The following SNRK variants were observed in gnomAD, a reference collection of about 807,000 sequenced individuals.
SNRK encodes SNF-related serine/threonine-protein kinase.
A neutral mutation model predicts 48.2 loss-of-function variants in SNRK; 3 were observed. That is an observed-to-expected ratio of 0.06 (90% CI 0.03 to 0.16). The LOEUF (loss-of-function observed/expected upper bound fraction) is 0.16. Ranked by LOEUF, SNRK falls within the 10% of genes least tolerant of loss-of-function variation. The pLI is 1.00. For synonymous variants in SNRK, 376 were observed against 366.1 expected (o/e 1.03, Z -0.31); for missense variants, 627 against 976.0 (o/e 0.64, Z 4.76).
intron 3 of SNRK, among the ~76,000 whole-genome samples, chr3:43,326,015 A>G (rs2091094294): frequency 6.6e-6 from 1 of 152,138 alleles, no homozygotes; most frequent in Admixed American, 6.5e-5. Flanking sequence ...GCAGGTTTGT[A>G]AAATGATTTT....
At chr3:43,293,184 G>A (rs1330607235) in intron 1 of SNRK, among the ~76,000 whole-genome samples, 2 of 151,820 alleles carry the variant, frequency 1.3e-5, no homozygotes, top group Non-Finnish European at 2.9e-5. Context: ...GCTCACTACA[G>A]CATGGATTCT....
chr3:43,294,725 G>GTT (rs113950436), intron 1 of SNRK, among the ~76,000 whole-genome samples: 5 of 141,590 alleles, frequency 3.5e-5, no homozygotes, highest in African/African-American at 1.0e-4. Context: ...TTATTGATTA[G>GTT]TTTTTTTTTT....
At chr3:43,311,544 A>C (rs889470134) in intron 3 of SNRK, among the ~76,000 whole-genome samples, 13 of 152,152 alleles carry the variant, frequency 8.5e-5, no homozygotes, top group Non-Finnish European at 1.9e-4. Context: ...TAGGGGGAAA[A>C]AGGATCTGTG....
chr3:43,314,885 A>G lies in SNRK; in HGVS notation c.589+11093A>G, dbSNP rs565625300. On this transcript the variant is annotated intron_variant, in intron 3 of 6. Coordinates refer to ENST00000296088, the MANE Select transcript of SNRK (RefSeq NM_017719.5). ...CATAGACTCCATCTCTTAAAAAAAAATTTTTAAAAAAAGGTCATAAATGAA... is the reference window on the plus strand; with the variant it reads ...CATAGACTCCATCTCTTAAAAAAAAGTTTTTAAAAAAAGGTCATAAATGAA... 5.3e-5 allele frequency: 8 copies of G among 152,042 alleles called. No homozygotes were observed. In the East Asian group the frequency reaches 1.5e-3, roughly 29 times the overall value. The allele number at this position is 152,042 out of a possible 1,614,324, so 9.4% of individuals were successfully genotyped here.
intron 4 of SNRK, among the ~76,000 whole-genome samples, chr3:43,335,105 T>G (rs1423143057): frequency 6.6e-6 from 1 of 152,210 alleles, no homozygotes; most frequent in East Asian, 1.9e-4. Context: ...TTTTCTTTTC[T>G]CTTGTCTGTA....
At chr3:43,343,303 CCTGATATGG>C in intron 5 of SNRK, 32 bp from the exon 6 acceptor site, 2 of 1,544,024 alleles carry the variant, frequency 1.3e-6, no homozygotes, top group Non-Finnish European at 1.7e-6. Flanking sequence ...AAAAAAACCT[CCTGATATGG>C]CTGACGTTTG....
At chr3:43,320,666 T>G (rs56777143) in intron 3 of SNRK, among the ~76,000 whole-genome samples, 5 of 127,620 alleles carry the variant, frequency 3.9e-5, no homozygotes, top group African/African-American at 9.0e-5. Context: ...AGTAGCTGGG[T>G]TTTTTTTTTC....
intron 1 of SNRK, among the ~76,000 whole-genome samples, chr3:43,291,542 G>T (rs2090812681): frequency 6.6e-6 from 1 of 151,998 alleles, no homozygotes; most frequent in South Asian, 2.1e-4. Context: ...AAAGTTAGGG[G>T]GATAAAATCC....
intron 3 of SNRK, among the ~76,000 whole-genome samples, chr3:43,308,222 A>G (rs907747160): frequency 1.2e-4 from 19 of 152,230 alleles, no homozygotes; most frequent in African/African-American, 4.6e-4. Flanking sequence ...AAAGTACAAG[A>G]TGAAACAGCA....
chr3:43,308,857 C>T (rs1506615), intron 3 of SNRK, among the ~76,000 whole-genome samples: 31,245 of 152,090 alleles, frequency 0.21, 3,723 homozygotes, highest in Middle Eastern at 0.35. Context: ...GTAATTCCTC[C>T]GATCCATCTG....
intron 1 of SNRK, among the ~76,000 whole-genome samples, chr3:43,292,806 G>C (rs1332042053): frequency 5.9e-5 from 9 of 152,162 alleles, no homozygotes; most frequent in Non-Finnish European, 1.3e-4. Context: ...CCTCTGACAT[G>C]CCTCACCTAG....
rs184247865 is a variant in SNRK, at chr3:43,290,847, A to G, written c.-169+4172A>G. Among the ~76,000 whole-genome samples, 288 of 152,360 alleles carry G rather than the reference A, an allele frequency of 1.9e-3. 1 individual carries two copies. The highest frequency in any genetic ancestry group is 6.6e-3 in the African/African-American group (274 of 41,588). ...TGCTATACTTGGCAGACCCTGGGAT[A>G]AAGAACTAAATAAAATGAACATGAT... On this transcript the variant is annotated intron_variant, in intron 1 of 6. Transcript: ENST00000296088.
chr3:43,296,426 ATATATATG>A (rs1362855791), intron 1 of SNRK, among the ~76,000 whole-genome samples: 42 of 146,054 alleles, frequency 2.9e-4, no homozygotes, highest in Non-Finnish European at 4.7e-4. Flanking sequence ...ATATATATAT[ATATATATG>A]TATATATATA....
At position 43,333,636 on chromosome 3, in the gene SNRK, T is replaced by C. The variant is rs73075060; in HGVS notation, c.731+1326T>C. Among the ~76,000 whole-genome samples the C allele has an allele frequency of 4.0e-3, 607 of 152,250 alleles. 3 individuals are homozygous for C. Among genetic ancestry groups the C allele is most frequent in the Non-Finnish European group, 5.7e-3 (388 of 68,008 alleles). ...TGTCTGGGGGCATACGTTGTCTGCA[T>C]GTTGGATGTTTGTGATGCATGTTGT... is the stretch of plus-strand genomic sequence containing the variant. On this transcript the variant is annotated intron_variant, in intron 4 of 6. Coordinates refer to ENST00000296088, the MANE Select transcript of SNRK (RefSeq NM_017719.5).
chr3:43,315,583 CCTGA>C (rs1370393794), intron 3 of SNRK, among the ~76,000 whole-genome samples: 1 of 152,072 alleles, frequency 6.6e-6, no homozygotes, highest in African/African-American at 2.4e-5. Flanking sequence ...AGGGACTACT[CCTGA>C]CTATCGAGTT....
rs578075233 is a variant in SNRK at position 43,303,188 on chromosome 3, C to A, written c.-16C>A. 3.9e-5 allele frequency: 61 copies of A among 1,576,278 alleles called. No individual in the cohort carries two copies. Among genetic ancestry groups the A allele is most frequent in the Admixed American group, 5.4e-5 (3 of 55,964 alleles). ...ATTTTAAACAGTCTAAATATTTTTTCTTCTGTTGGACCAGCATGGCAGGAT... is the reference window on the plus strand; with the variant it reads ...ATTTTAAACAGTCTAAATATTTTTTATTCTGTTGGACCAGCATGGCAGGAT... On this transcript the variant is annotated 5_prime_UTR_variant, in exon 3 of 7. Transcript: ENST00000296088. The surrounding 1 kb of genome is among the most constrained non-coding windows in gnomAD (Gnocchi z 6.2).
chr3:43,347,761 T>C lies in SNRK; in HGVS notation c.1502T>C (p.Met501Thr). Residue 501 changes from methionine to threonine, a missense_variant, in exon 7 of 7, where the codon ATG (methionine) becomes ACG (threonine). This residue lies in a region of SNRK where 98 missense variants were observed against 175.2 expected (regional missense o/e 0.56). Transcript: ENST00000296088. This position sits in a 1 kb window ranked among gnomAD's most constrained non-coding sequence, Gnocchi z 5.4. ...EEGESDDEFDMDENLPPKLSR... is the reference protein window; with the variant it reads ...EEGESDDEFDTDENLPPKLSR... ...GGGGAATCTGACGATGAGTTTGACATGGATGAGAATCTGCCTCCCAAGTTG... is the reference window on the plus strand; with the variant it reads ...GGGGAATCTGACGATGAGTTTGACACGGATGAGAATCTGCCTCCCAAGTTG... The C allele has an allele frequency of 6.2e-7, 1 of 1,614,062 alleles. No individual in the cohort carries two copies. Among genetic ancestry groups the C allele is most frequent in the African/African-American group, 1.3e-5 (1 of 75,008 alleles).
Position 43,314,635 on chromosome 3 carries a change from A to G in SNRK, c.589+10843A>G, listed in dbSNP as rs547753173. Among the ~76,000 whole-genome samples, 14 of 152,356 alleles carry G rather than the reference A, an allele frequency of 9.2e-5. No individual in the cohort carries two copies. The East Asian group carries it at 2.5e-3, about 27-fold the overall frequency. ...CCACCAAAAGAATTGTGATTATAGC[A>G]TTAAGTATAATGTTAAGATGTTTAA... On this transcript the variant is annotated intron_variant, in intron 3 of 6. Transcript: ENST00000296088.
At position 43,347,530 on chromosome 3, in the gene SNRK, T is replaced by A. The variant is rs1446572876; in HGVS notation, c.1271T>A (p.Leu424His). The A allele has an allele frequency of 2.5e-6, 4 of 1,613,518 alleles. No individual in the cohort carries two copies. The highest frequency in any genetic ancestry group is 3.4e-6 in the Non-Finnish European group (4 of 1,179,762). ...DDLPELAGPA[L>H]STVPPASLKP... ...CTCCCTGAGTTGGCTGGACCAGCAC[T>A]CTCTACGGTGCCACCCGCAAGCTTA... Residue 424 changes from leucine to histidine, a missense_variant, in exon 7 of 7, where the codon CTC (leucine) becomes CAC (histidine). By Grantham distance (99) the Leu-to-His change is moderately conservative. Coordinates refer to ENST00000296088, the MANE Select transcript of SNRK (RefSeq NM_017719.5). The surrounding 1 kb of genome is among the most constrained non-coding windows in gnomAD (Gnocchi z 5.4).
Sources: allele counts gnomAD v4.1 joint callset (sites outside exome capture counted in the v4.1 genomes callset), GRCh38; gene constraint gnomAD v4.1.1; regional missense constraint gnomAD v4.1.1; non-coding constraint Gnocchi (gnomAD v3.1); transcripts MANE v1.5; gene names NCBI Gene and HGNC (gene_info 2026-07-23, HGNC 2026-07-21).